The following KLHL24 variants were observed in gnomAD, a reference collection of about 807,000 sequenced individuals.
KLHL24 encodes the protein kelch-like protein 24.
A neutral mutation model predicts 53.4 loss-of-function variants in KLHL24; 29 were observed. That is an observed-to-expected ratio of 0.54 (90% CI 0.40 to 0.74). The LOEUF is 0.74. Ranked by LOEUF, KLHL24 falls within the 30% of genes least tolerant of loss-of-function variation. KLHL24 has a pLI of 0.00. For synonymous variants in KLHL24, 222 were observed against 253.7 expected (o/e 0.88, Z 1.19); for missense variants, 504 against 744.0 (o/e 0.68, Z 3.75).
At chr3:183,639,268 A>G (rs1255093250) in intron 1 of KLHL24, among the ~76,000 whole-genome samples, 1 of 152,186 alleles carries the variant, frequency 6.6e-6, no homozygotes, top group African/African-American at 2.4e-5. Flanking sequence ...AATTCGTGTC[A>G]CTACTAAGAT....
Position 183,681,405 on chromosome 3 carries a change from T to G in KLHL24, c.*2119T>G, listed in dbSNP as rs986770653. On this transcript the variant is annotated 3_prime_UTR_variant, in exon 8 of 8. Transcript: ENST00000242810. ...AAAAAAAGACTTTCTCAAGACAACT[T>G]TATATTCTAGTATTTTTCTGTTGTA... 6.6e-6 allele frequency: 1 copy of G among 152,234 alleles called. No individual in the cohort carries two copies. The highest frequency in any genetic ancestry group is 2.4e-5 in the African/African-American group (1 of 41,458). The allele number at this position is 152,234 out of a possible 1,614,324, so 9.4% of individuals were successfully genotyped here.
chr3:183,670,288 G>A (rs886066915), intron 5 of KLHL24, among the ~76,000 whole-genome samples: 3 of 152,030 alleles, frequency 2.0e-5, no homozygotes, highest in Non-Finnish European at 2.9e-5. Context: ...GAGAGAGAGA[G>A]AAACGTGGAT....
Position 183,665,022 on chromosome 3 carries a change from G to T in KLHL24, c.1207G>T (p.Ala403Ser). Residue 403 changes from alanine (A) to serine (S), a missense_variant, in exon 5 of 8, where the codon GCT becomes TCT. By Grantham distance (99) the Ala-to-Ser change is moderately conservative. Coordinates refer to ENST00000242810, the MANE Select transcript of KLHL24 (RefSeq NM_017644.3). ...LNKGRWRHKM[A>S]VLLGKVYVVG... ...TAAAGGCAGATGGCGTCACAAAATG[G>T]CTGTCCTCCTTGGTAAAGTAAGAGA... is the stretch of plus-strand genomic sequence containing the variant. The T allele has an allele frequency of 6.2e-7, 1 of 1,600,112 alleles. No homozygotes were observed. Among genetic ancestry groups the T allele is most frequent in the Non-Finnish European group, 8.6e-7 (1 of 1,168,682 alleles).
chr3:183,644,591 T>C (rs1716962461), intron 2 of KLHL24, among the ~76,000 whole-genome samples: 1 of 152,212 alleles, frequency 6.6e-6, no homozygotes, highest in Non-Finnish European at 1.5e-5. Flanking sequence ...GGATTTTCCA[T>C]TTTTTATTGG....
chr3:183,654,529 T>C (rs1400078846), intron 3 of KLHL24, among the ~76,000 whole-genome samples: 1 of 152,106 alleles, frequency 6.6e-6, no homozygotes, highest in African/African-American at 2.4e-5. Context: ...TGTTTTTTAG[T>C]TGACTGTGCA....
At chr3:183,649,137 T>A (rs898429189) in intron 2 of KLHL24, among the ~76,000 whole-genome samples, 1 of 152,216 alleles carries the variant, frequency 6.6e-6, no homozygotes, top group African/African-American at 2.4e-5. Flanking sequence ...AAGACCTAGA[T>A]AACATGCATG....
intron 3 of KLHL24, among the ~76,000 whole-genome samples, chr3:183,654,362 A>G (rs1452891575): frequency 6.6e-6 from 1 of 152,038 alleles, no homozygotes; most frequent in East Asian, 1.9e-4. Context: ...ACCTTATCTC[A>G]TCTATTTTCA....
chr3:183,657,986 G>A (rs980986847), intron 3 of KLHL24, among the ~76,000 whole-genome samples: 1 of 152,126 alleles, frequency 6.6e-6, no homozygotes, highest in African/African-American at 2.4e-5. Context: ...GCCGAGGTGG[G>A]CAGATCACCT....
intron 3 of KLHL24, among the ~76,000 whole-genome samples, chr3:183,657,469 A>T (rs1276977976): frequency 6.6e-6 from 1 of 152,258 alleles, no homozygotes; most frequent in African/African-American, 2.4e-5. Flanking sequence ...AATGGCCGTA[A>T]TGAGGGCAAG....
At position 183,681,662 on chromosome 3, in the gene KLHL24, A is replaced by T. The variant is rs1012366832; in HGVS notation, c.*2376A>T. 2.6e-5 allele frequency: 4 copies of T among 152,236 alleles called. No homozygotes were observed. Among genetic ancestry groups the T allele is most frequent in the African/African-American group, 9.7e-5 (4 of 41,436 alleles). 9.4% of individuals were successfully genotyped at this position (152,236 alleles called of 1,614,324 possible). A position where few individuals can be genotyped will look rare whatever the true frequency, so the allele number is the denominator to read the frequency against. ...TGAATCTTAGAAAATTTAAATAACTATTTTTAAAGTTACCCAACTTAATAT... is the reference window on the plus strand; with the variant it reads ...TGAATCTTAGAAAATTTAAATAACTTTTTTTAAAGTTACCCAACTTAATAT... On this transcript the variant is annotated 3_prime_UTR_variant, in exon 8 of 8. Coordinates refer to ENST00000242810, the MANE Select transcript of KLHL24 (RefSeq NM_017644.3).
In KLHL24 at chr3:183,651,262, G is replaced by T; in HGVS notation, c.906G>T (p.Arg302Ser). The change falls in exon 3 of 8, where the codon AGG (arginine) becomes AGT (serine). Residue 302 changes from arginine (R) to serine (S), a missense_variant. Physicochemically the swap from Arg to Ser is moderately radical, Grantham distance 110. Coordinates refer to ENST00000242810, the MANE Select transcript of KLHL24 (RefSeq NM_017644.3). Reference sequence around the variant, plus strand: ...TTGGGAATGAAATGATGTCCCCAAGGACTAGGCCACGCAGGTGAGAAGACT... The same window carrying T: ...TTGGGAATGAAATGATGTCCCCAAGTACTAGGCCACGCAGGTGAGAAGACT... Reference protein sequence around the residue: ...HILGNEMMSPRTRPRRSTGYS... With the variant: ...HILGNEMMSPSTRPRRSTGYS... 1 of 1,612,874 alleles carries T rather than the reference G, an allele frequency of 6.2e-7. No homozygotes were observed. Among genetic ancestry groups the T allele is most frequent in the Non-Finnish European group, 8.5e-7 (1 of 1,178,958 alleles).
Position 183,635,690 on chromosome 3 carries a change from C to G in KLHL24, c.-228C>G, listed in dbSNP as rs2271977. On this transcript the variant is annotated 5_prime_UTR_variant, in exon 1 of 8. Transcript: ENST00000242810. ...GCGCTGGAGAGTGCGCTGCGCCGCC[C>G]GCCGCTGAGGGACCGCGGGGTTAGC... 0.12 allele frequency: 18,849 copies of G among 152,800 alleles called. 3,361 individuals are homozygous for G. The highest frequency in any genetic ancestry group is 0.39 in the African/African-American group (16,340 of 41,492). 9.5% of individuals were successfully genotyped at this position (152,800 alleles called of 1,614,324 possible).
At chr3:183,636,145 C>T (rs529660580) in intron 1 of KLHL24, 3 of 152,640 alleles carry the variant, frequency 2.0e-5, no homozygotes, top group East Asian at 3.9e-4. Context: ...CCGGGCGCCG[C>T]CGGGGGAGGC....
chr3:183,652,804 C>T (rs189711959), intron 3 of KLHL24, among the ~76,000 whole-genome samples: 4 of 152,292 alleles, frequency 2.6e-5, no homozygotes, highest in African/African-American at 7.2e-5. Context: ...CACAGTATCC[C>T]TCTAAAGGGA....
Position 183,663,483 on chromosome 3 carries a change from G to A in KLHL24, c.946G>A (p.Val316Ile). Residue 316 changes from valine (V) to isoleucine (I), a missense_variant, in exon 4 of 8, where the codon GTT (valine) becomes ATT (isoleucine). Transcript: ENST00000242810. The surrounding 1 kb of genome is among the most constrained non-coding windows in gnomAD (Gnocchi z 4.9). ...RRSTGYSEVI[V>I]VVGGCERVGG... is the part of the protein sequence containing the mutation. Reference sequence around the variant, plus strand: ...GTCCACTGGCTATTCTGAGGTGATAGTTGTCGTTGGAGGATGTGAGCGAGT... The same window carrying A: ...GTCCACTGGCTATTCTGAGGTGATAATTGTCGTTGGAGGATGTGAGCGAGT... 1 of 1,567,780 alleles carries A rather than the reference G, an allele frequency of 6.4e-7. No homozygotes were observed. Among genetic ancestry groups the A allele is most frequent in the South Asian group, 1.2e-5 (1 of 82,148 alleles).
In KLHL24 at chr3:183,682,448, T is replaced by G. The variant is rs1712779080; in HGVS notation, c.*3162T>G. 1 of 152,576 alleles carries G rather than the reference T, an allele frequency of 6.6e-6. No individual in the cohort carries two copies. The highest frequency in any genetic ancestry group is 1.5e-5 in the Non-Finnish European group (1 of 68,004). 9.5% of individuals were successfully genotyped at this position (152,576 alleles called of 1,614,324 possible). On this transcript the variant is annotated 3_prime_UTR_variant, in exon 8 of 8. Coordinates refer to ENST00000242810, the MANE Select transcript of KLHL24 (RefSeq NM_017644.3). ...AGATGATTGAAATATAGGTATTTACTCCATTTAAACCAGGTGATAAGATGA... is the reference window on the plus strand; with the variant it reads ...AGATGATTGAAATATAGGTATTTACGCCATTTAAACCAGGTGATAAGATGA...
In KLHL24 at chr3:183,683,946, T is replaced by C. The variant is rs1193315352; in HGVS notation, c.*4660T>C. ...AATGTTAAGGGAGATTGTTGGATGT[T>C]TGGAGTTTCATTATATTTTTTGTTT... On this transcript the variant is annotated 3_prime_UTR_variant, in exon 8 of 8. Coordinates refer to ENST00000242810, the MANE Select transcript of KLHL24 (RefSeq NM_017644.3). 1.3e-5 allele frequency: 2 copies of C among 152,658 alleles called. No individual in the cohort carries two copies. Among genetic ancestry groups the C allele is most frequent in the Non-Finnish European group, 1.5e-5 (1 of 68,036 alleles). The allele number at this position is 152,658 out of a possible 1,614,324, so 9.5% of individuals were successfully genotyped here. A position where few individuals can be genotyped will look rare whatever the true frequency, so the allele number is the denominator to read the frequency against.
chr3:183,646,292 G>A (rs1309903694), intron 2 of KLHL24, among the ~76,000 whole-genome samples: 1 of 149,698 alleles, frequency 6.7e-6, no homozygotes, highest in Non-Finnish European at 1.5e-5. Flanking sequence ...AACCTGGGAG[G>A]TGGAGGTTGC....
intron 3 of KLHL24, among the ~76,000 whole-genome samples, chr3:183,658,662 T>C (rs553594477): frequency 4.6e-5 from 7 of 152,220 alleles, no homozygotes; most frequent in Non-Finnish European, 8.8e-5. Flanking sequence ...GCCTTTCAAT[T>C]TATACTTCAA....
Sources: allele counts gnomAD v4.1 joint callset (sites outside exome capture counted in the v4.1 genomes callset), GRCh38; gene constraint gnomAD v4.1.1; non-coding constraint Gnocchi (gnomAD v3.1); transcripts MANE v1.5; gene names NCBI Gene and HGNC (gene_info 2026-07-23, HGNC 2026-07-21).